BMPER: variants seen among roughly 807,000 people sequenced by gnomAD.
BMPER encodes the protein BMP binding endothelial regulator.
A neutral mutation model predicts 87.3 loss-of-function variants in BMPER; 45 were observed. That is an observed-to-expected ratio of 0.52 (90% CI 0.41 to 0.66). BMPER has a LOEUF of 0.66. Ranked by LOEUF, BMPER falls within the 30% of genes least tolerant of loss-of-function variation. BMPER has a pLI of 0.00. For missense variants in BMPER, 784 were observed against 867.5 expected (o/e 0.90, Z 1.21); for synonymous variants, 326 against 316.2 (o/e 1.03, Z -0.33).
chr7:33,921,824 A>AT (rs1426858685), intron 2 of BMPER: 1 of 471,036 alleles, frequency 2.1e-6, no homozygotes, highest in East Asian at 7.0e-5. Context: ...CCAGGGTTTT[A>AT]TGACTGACCT....
chr7:34,028,619 T>TTTTTTTTTTTTTTTTTG (rs1787437880), intron 6 of BMPER, among the ~76,000 whole-genome samples: 1 of 138,678 alleles, frequency 7.2e-6, no homozygotes. Context: ...TTTTTTTTTT[T>TTTTTTTTTTTTTTTTTG]TTTTTTTTTT....
intron 3 of BMPER, among the ~76,000 whole-genome samples, chr7:33,938,166 G>C (rs1490237416): frequency 6.6e-6 from 1 of 152,106 alleles, no homozygotes; most frequent in East Asian, 1.9e-4. Flanking sequence ...ATTTCACACC[G>C]TGTATGTGTC....
chr7:33,948,106 C>T (rs1036663258), intron 3 of BMPER, among the ~76,000 whole-genome samples: 3 of 152,134 alleles, frequency 2.0e-5, no homozygotes, highest in East Asian at 1.9e-4. Context: ...CAAACAAAAG[C>T]GTGGTTCTTT....
At chr7:34,001,499 C>CT (rs1315227996) in intron 6 of BMPER, among the ~76,000 whole-genome samples, 4 of 148,944 alleles carry the variant, frequency 2.7e-5, no homozygotes, top group African/African-American at 4.9e-5. Context: ...TAATCTTTCA[C>CT]TTTTCTACAG....
chr7:34,134,948 A>G (rs886484330), intron 13 of BMPER, among the ~76,000 whole-genome samples: 19 of 152,190 alleles, frequency 1.2e-4, no homozygotes, highest in African/African-American at 4.3e-4. Flanking sequence ...AGATGCCTAC[A>G]TTATTCCACA....
chr7:33,972,945 CAAGAG>C (rs965881678), intron 5 of BMPER, among the ~76,000 whole-genome samples: 7 of 152,178 alleles, frequency 4.6e-5, no homozygotes, highest in African/African-American at 1.7e-4. Context: ...GAGGGAGAGT[CAAGAG>C]AAGCCTTGGG....
At position 34,046,394 on chromosome 7, in the gene BMPER, C is replaced by T. The variant is rs1165179246; in HGVS notation, c.665C>T (p.Pro222Leu). The T allele has an allele frequency of 1.2e-6, 2 of 1,613,556 alleles. No individual in the cohort carries two copies. The highest frequency in any genetic ancestry group is 4.5e-5 in the East Asian group (2 of 44,886). The change falls in exon 7 of 15, where the codon CCC becomes CTC. Residue 222 changes from proline (P) to leucine (L), a missense_variant. Coordinates refer to ENST00000649409, the MANE Select transcript of BMPER (RefSeq NM_001365308.1). ...CACATACCCCCAGGACAGTGCTGCC[C>T]CAAATGTTTGGGTGAGTTACTATTT... The part of the protein sequence containing the change: ...LSHIPPGQCC[P>L]KCLGQRKVFD...
chr7:34,149,043 A>G (rs910719594), intron 14 of BMPER, among the ~76,000 whole-genome samples: 6 of 152,130 alleles, frequency 3.9e-5, no homozygotes, highest in Non-Finnish European at 8.8e-5. Context: ...TCCAGGAGGC[A>G]TGCATTGAGC....
intron 6 of BMPER, among the ~76,000 whole-genome samples, chr7:34,003,317 A>T (rs1392894616): frequency 1.3e-5 from 2 of 151,874 alleles, no homozygotes; most frequent in Non-Finnish European, 2.9e-5. Context: ...TCCAGTTCAG[A>T]TTTATACCAA....
chr7:34,076,570 A>G (rs1357296503), intron 11 of BMPER, among the ~76,000 whole-genome samples: 3 of 152,108 alleles, frequency 2.0e-5, no homozygotes, highest in Non-Finnish European at 2.9e-5. Context: ...ATCATAGTTC[A>G]TTTTATGGAT....
intron 13 of BMPER, among the ~76,000 whole-genome samples, chr7:34,089,251 A>G (rs957445519): frequency 6.6e-6 from 1 of 152,184 alleles, no homozygotes; most frequent in Non-Finnish European, 1.5e-5. Flanking sequence ...AGCATAACAC[A>G]CCCAAATAAC....
intron 14 of BMPER, among the ~76,000 whole-genome samples, chr7:34,148,915 A>G (rs1430772926): frequency 6.6e-6 from 1 of 152,204 alleles, no homozygotes. Context: ...AGTGAGTTGA[A>G]AGAGGGCAAG....
At chr7:34,063,902 A>G (rs1788506111) in intron 11 of BMPER, among the ~76,000 whole-genome samples, 2 of 152,234 alleles carry the variant, frequency 1.3e-5, no homozygotes, top group Non-Finnish European at 2.9e-5. Flanking sequence ...CTTATTTTCC[A>G]GTTAACTCTT....
intron 3 of BMPER, among the ~76,000 whole-genome samples, chr7:33,940,615 G>A (rs571394127): frequency 2.6e-5 from 4 of 152,198 alleles, no homozygotes; most frequent in Admixed American, 1.3e-4. Flanking sequence ...AGATCAGTGG[G>A]TAGCAGAAAT....
rs2128619889 is a variant in BMPER at position 33,975,141 on chromosome 7, C to G, written c.576+357C>G. 2.6e-5 allele frequency among the ~76,000 whole-genome samples: 4 copies of G among 152,298 alleles called. 1 individual carries two copies. In the Middle Eastern group the frequency reaches 0.014, roughly 518 times the overall value. Reference sequence around the variant, plus strand: ...TTGCTCCTGATTGAGGAACTCTGCTCTGAAGCATGAGGGAGAGGCTGCCTT... The same window carrying G: ...TTGCTCCTGATTGAGGAACTCTGCTGTGAAGCATGAGGGAGAGGCTGCCTT... On this transcript the variant is annotated intron_variant, in intron 6 of 14. Coordinates refer to ENST00000649409, the MANE Select transcript of BMPER (RefSeq NM_001365308.1).
At chr7:33,960,620 A>G (rs1368121592) in intron 3 of BMPER, among the ~76,000 whole-genome samples, 5 of 152,172 alleles carry the variant, frequency 3.3e-5, no homozygotes, top group Admixed American at 2.0e-4. Context: ...AGCAGTTGAG[A>G]ATAAACCAGT....
chr7:34,148,313 C>A (rs566300980), intron 14 of BMPER, among the ~76,000 whole-genome samples: 1 of 152,328 alleles, frequency 6.6e-6, no homozygotes, highest in Admixed American at 6.5e-5. Context: ...CTCTACTCAA[C>A]TCTCAGTGTT....
intron 13 of BMPER, among the ~76,000 whole-genome samples, chr7:34,112,451 C>T (rs555756251): frequency 4.1e-5 from 5 of 122,766 alleles, no homozygotes; most frequent in South Asian, 5.4e-4. Flanking sequence ...AGCCGAGAGA[C>T]GCCACAGGAC....
chr7:34,155,893 C>T lies in BMPER; in HGVS notation c.*2620C>T, dbSNP rs1791292818. ...TATTGAATTTGATGAGAAACAAGCA[C>T]CCTCAATGAAGAACAAGCATAATTA... On this transcript the variant is annotated 3_prime_UTR_variant, in exon 15 of 15. Coordinates refer to ENST00000649409, the MANE Select transcript of BMPER (RefSeq NM_001365308.1). 1 of 152,132 alleles carries T rather than the reference C, an allele frequency of 6.6e-6. No individual in the cohort carries two copies. Among genetic ancestry groups the T allele is most frequent in the Non-Finnish European group, 1.5e-5 (1 of 68,030 alleles). 9.4% of individuals were successfully genotyped at this position (152,132 alleles called of 1,614,324 possible). A position where few individuals can be genotyped will look rare whatever the true frequency, so the allele number is the denominator to read the frequency against.
Sources: allele counts gnomAD v4.1 joint callset (sites outside exome capture counted in the v4.1 genomes callset), GRCh38; gene constraint gnomAD v4.1.1; transcripts MANE v1.5; gene names NCBI Gene and HGNC (gene_info 2026-07-23, HGNC 2026-07-21).